Variants in LRRC28 observed in about 807,000 individuals in gnomAD.
The protein encoded by LRRC28 is leucine-rich repeat-containing protein 28.
In LRRC28, 39 loss-of-function variants were observed where a neutral mutation model predicts 45.7. The observed-to-expected ratio is 0.85, with a 90% CI of 0.66 to 1.12. The LOEUF (loss-of-function observed/expected upper bound fraction) is 1.12, where lower values mean the gene tolerates loss of function less well. Among genes scored for constraint, LRRC28 ranks in the 50% most tolerant of loss-of-function variants. The pLI, the probability that LRRC28 is intolerant of heterozygous loss-of-function variation, is 0.00. For missense variants in LRRC28, 435 were observed against 438.5 expected (o/e 0.99, Z 0.07); for synonymous variants, 206 against 178.8 (o/e 1.15, Z -1.22).
chr15:99,254,840 A>T (rs2080968286), intron 1 of LRRC28, among the ~76,000 whole-genome samples: 3 of 152,244 alleles, frequency 2.0e-5, no homozygotes, highest in African/African-American at 7.2e-5. Flanking sequence ...AAGAGAATTT[A>T]TAATAATCTG....
Position 99,389,839 on chromosome 15 carries a change from C to T in LRRC28, c.*3737C>T, listed in dbSNP as rs372638675. 7 of 152,084 alleles carry T rather than the reference C, an allele frequency of 4.6e-5. No homozygotes were observed. Among genetic ancestry groups the T allele is most frequent in the East Asian group, 3.9e-4 (2 of 5,186 alleles). The allele number at this position is 152,084 out of a possible 1,614,324, so 9.4% of individuals were successfully genotyped here. On this transcript the variant is annotated 3_prime_UTR_variant, in exon 10 of 10. Coordinates refer to ENST00000301981, the MANE Select transcript of LRRC28 (RefSeq NM_144598.5). ...CTCTATGTCTATCTAAAAATCAAGT[C>T]TCGGCAGTGGCTCATGCCTATAATC...
At chr15:99,284,830 C>T (rs1184913059) in intron 3 of LRRC28, 1 of 551,226 alleles carries the variant, frequency 1.8e-6, no homozygotes, top group Non-Finnish European at 3.5e-6. Context: ...GAATTGCTTC[C>T]ATCATTACCA....
intron 5 of LRRC28, among the ~76,000 whole-genome samples, chr15:99,330,143 G>C (rs1353685191): frequency 1.3e-5 from 2 of 152,164 alleles, no homozygotes; most frequent in East Asian, 3.9e-4. Flanking sequence ...TTTCAGGATT[G>C]TGATTTTCAT....
intron 5 of LRRC28, among the ~76,000 whole-genome samples, chr15:99,332,861 G>A (rs1324950026): frequency 6.6e-6 from 1 of 152,238 alleles, no homozygotes; most frequent in Non-Finnish European, 1.5e-5. Flanking sequence ...GTACTGTCAA[G>A]TGGTAGAGCT....
chr15:99,369,829 A>T (rs1274764212), intron 9 of LRRC28, among the ~76,000 whole-genome samples: 1 of 152,228 alleles, frequency 6.6e-6, no homozygotes, highest in East Asian at 1.9e-4. Flanking sequence ...GTAGGCCGGT[A>T]ACCCAATGGT....
chr15:99,294,060 A>G (rs1331788472), intron 5 of LRRC28, among the ~76,000 whole-genome samples: 3 of 152,134 alleles, frequency 2.0e-5, no homozygotes, highest in African/African-American at 7.2e-5. Flanking sequence ...AATTTGTATC[A>G]TTGTTACCCT....
chr15:99,263,571 A>G (rs2081257044), intron 2 of LRRC28, among the ~76,000 whole-genome samples: 1 of 152,202 alleles, frequency 6.6e-6, no homozygotes, highest in Non-Finnish European at 1.5e-5. Context: ...TAAGGACCAT[A>G]TTATAAGAGT....
rs1423565987 is a variant in LRRC28, at chr15:99,386,535, G to A, written c.*433G>A. 5 of 154,824 alleles carry A rather than the reference G, an allele frequency of 3.2e-5. No individual in the cohort carries two copies. The highest frequency in any genetic ancestry group is 1.9e-4 in the Admixed American group (3 of 15,598). The allele number at this position is 154,824 out of a possible 1,614,324, so 9.6% of individuals were successfully genotyped here. On this transcript the variant is annotated 3_prime_UTR_variant, in exon 10 of 10. Transcript: ENST00000301981. ...TCCCTGAGACCATGTTCTCCACAGT[G>A]TCTCCAGTGGAAACTTGTCAGTTTT...
intron 2 of LRRC28, chr15:99,258,385 A>T (rs2081090338): frequency 9.2e-7 from 1 of 1,083,088 alleles, no homozygotes; most frequent in Non-Finnish European, 1.4e-6. Flanking sequence ...AAGAAAAAGC[A>T]TTTGATTACC....
chr15:99,280,421 T>TA (rs2081751538), intron 3 of LRRC28, among the ~76,000 whole-genome samples: 1 of 146,786 alleles, frequency 6.8e-6, no homozygotes, highest in Non-Finnish European at 1.5e-5. Flanking sequence ...CCCAAAGTCT[T>TA]ACAGTTTTTT....
At chr15:99,283,615 C>CAAA (rs59399248) in intron 3 of LRRC28, among the ~76,000 whole-genome samples, 17 of 89,746 alleles carry the variant, frequency 1.9e-4, no homozygotes, top group South Asian at 4.4e-4. Context: ...GACTCCTTCT[C>CAAA]AAAAAAAAAA....
chr15:99,259,153 G>A, intron 2 of LRRC28: 1 of 1,309,064 alleles, frequency 7.6e-7, no homozygotes. Flanking sequence ...TTAGGTTCCA[G>A]TCTTCTCATC....
At chr15:99,321,460 G>C (rs1394454711) in intron 5 of LRRC28, among the ~76,000 whole-genome samples, 1 of 152,194 alleles carries the variant, frequency 6.6e-6, no homozygotes, top group Non-Finnish European at 1.5e-5. Flanking sequence ...CGTTCGGTCA[G>C]TAATGTCTTA....
chr15:99,385,972 A>C (rs756862648), intron 9 of LRRC28, 58 bp from the exon 10 acceptor site: 246 of 1,491,608 alleles, frequency 1.6e-4, no homozygotes, highest in Admixed American at 7.7e-4. Flanking sequence ...CAGCAGAAAG[A>C]ATCAGAGACT....
chr15:99,383,542 G>T (rs74033478), intron 9 of LRRC28, among the ~76,000 whole-genome samples: 1 of 152,150 alleles, frequency 6.6e-6, no homozygotes, highest in Non-Finnish European at 1.5e-5. Context: ...GTGTGTGTCT[G>T]TTTCTCTGTA....
chr15:99,382,258 C>T (rs761265701), intron 9 of LRRC28, among the ~76,000 whole-genome samples: 8 of 152,208 alleles, frequency 5.3e-5, no homozygotes, highest in Non-Finnish European at 1.0e-4. Context: ...GCCTCACTGC[C>T]ACCTTGCAGA....
chr15:99,251,735 G>C (rs182900885), intron 1 of LRRC28, 194 bp downstream of exon 1: 68 of 152,334 alleles, frequency 4.5e-4, no homozygotes, highest in African/African-American at 1.4e-3. Flanking sequence ...CGGCCCCTGG[G>C]ACCCGAGAAC....
At chr15:99,347,913 C>CTT (rs1267397451) in intron 6 of LRRC28, among the ~76,000 whole-genome samples, 1 of 152,174 alleles carries the variant, frequency 6.6e-6, no homozygotes, top group Non-Finnish European at 1.5e-5. Context: ...CTAGGGTTCC[C>CTT]TTTTCTCCAC....
intron 5 of LRRC28, among the ~76,000 whole-genome samples, chr15:99,330,466 A>T (rs1276782088): frequency 3.9e-5 from 6 of 152,064 alleles, no homozygotes; most frequent in African/African-American, 7.2e-5. Context: ...CTAAAGTATT[A>T]TCCATTTTAC....
Sources: gnomAD v4.1 joint callset for allele counts (sites outside exome capture counted in the v4.1 genomes callset) on GRCh38, gnomAD v4.1.1 for gene constraint, MANE v1.5 for transcripts, NCBI Gene and HGNC (gene_info 2026-07-23, HGNC 2026-07-21) for gene names.